ABTB3: variants seen among roughly 807,000 people sequenced by gnomAD.
ABTB3 encodes ankyrin repeat- and BTB/POZ domain-containing protein 3.
chr12:107,486,205 G>C, the ABTB3 span, among the ~76,000 whole-genome samples: 3 of 152,114 alleles, frequency 2.0e-5, no homozygotes, highest in Non-Finnish European at 4.4e-5. Flanking sequence ...ACTGTCTTGG[G>C]ACTAGATTAG....
chr12:107,397,593 CT>C, the ABTB3 span, among the ~76,000 whole-genome samples: 12 of 151,886 alleles, frequency 7.9e-5, no homozygotes, highest in African/African-American at 2.9e-4. Flanking sequence ...ATTTCTTGGG[CT>C]TTTTGTTGTA....
At chr12:107,411,085 A>C in the ABTB3 span, among the ~76,000 whole-genome samples, 2 of 152,132 alleles carry the variant, frequency 1.3e-5, no homozygotes, top group Non-Finnish European at 2.9e-5. Context: ...GGATCACTTG[A>C]GGTCAGGATT....
At chr12:107,646,297 T>A in the ABTB3 span, among the ~76,000 whole-genome samples, 1 of 152,182 alleles carries the variant, frequency 6.6e-6, no homozygotes, top group Non-Finnish European at 1.5e-5. Flanking sequence ...CAGCCCAATT[T>A]AAATTCCATT....
At chr12:107,409,801 C>T in the ABTB3 span, among the ~76,000 whole-genome samples, 7 of 152,144 alleles carry the variant, frequency 4.6e-5, no homozygotes, top group Non-Finnish European at 8.8e-5. Flanking sequence ...CACCATGGCA[C>T]TTGTTTACCT....
the ABTB3 span, among the ~76,000 whole-genome samples, chr12:107,607,692 T>TC: frequency 6.6e-6 from 1 of 152,082 alleles, no homozygotes; most frequent in Non-Finnish European, 1.5e-5. Context: ...TCCCAGCAGC[T>TC]CCCCCTGGTG....
At chr12:107,618,487 T>G in the ABTB3 span, 1 of 928,234 alleles carries the variant, frequency 1.1e-6, no homozygotes, top group Non-Finnish European at 1.6e-6. Context: ...AACACGCACA[T>G]GCACACACAC....
At chr12:107,319,231 C>A in the ABTB3 span, 8 of 1,571,752 alleles carry the variant, frequency 5.1e-6, no homozygotes, top group Non-Finnish European at 6.9e-6. Flanking sequence ...TAGACGAGGT[C>A]CCCTGGACTC....
At chr12:107,652,638 A>C in the ABTB3 span, among the ~76,000 whole-genome samples, 1 of 152,200 alleles carries the variant, frequency 6.6e-6, no homozygotes, top group Non-Finnish European at 1.5e-5. Context: ...TGACCTCAGC[A>C]GTAGCCCCTC....
the ABTB3 span, among the ~76,000 whole-genome samples, chr12:107,398,803 G>C: frequency 6.6e-6 from 1 of 152,196 alleles, no homozygotes; most frequent in Non-Finnish European, 1.5e-5. Flanking sequence ...GTAAATTGCT[G>C]TGTGCCATTT....
At chr12:107,641,276 T>C in the ABTB3 span, among the ~76,000 whole-genome samples, 1 of 152,204 alleles carries the variant, frequency 6.6e-6, no homozygotes, top group Non-Finnish European at 1.5e-5. Flanking sequence ...CATGACAGCA[T>C]AGACAAACCA....
the ABTB3 span, among the ~76,000 whole-genome samples, chr12:107,434,794 G>C: frequency 6.6e-6 from 1 of 151,996 alleles, no homozygotes; most frequent in African/African-American, 2.4e-5. Flanking sequence ...AGCTCAGGAA[G>C]TGGAGGTTGC....
the ABTB3 span, among the ~76,000 whole-genome samples, chr12:107,625,642 T>C: frequency 3.3e-5 from 5 of 152,176 alleles, no homozygotes; most frequent in South Asian, 8.3e-4. Context: ...TCATGACTAC[T>C]GGGCAGTAGT....
chr12:107,407,532 A>C, the ABTB3 span, among the ~76,000 whole-genome samples: 1 of 152,204 alleles, frequency 6.6e-6, no homozygotes, highest in Non-Finnish European at 1.5e-5. Context: ...GCAGAAGTGC[A>C]AGACGGTGAA....
At chr12:107,409,942 A>C in the ABTB3 span, among the ~76,000 whole-genome samples, 87 of 152,342 alleles carry the variant, frequency 5.7e-4, no homozygotes, top group South Asian at 4.1e-3. Flanking sequence ...AATTATTAAG[A>C]TTCCCAAAAT....
At chr12:107,470,108 G>A in the ABTB3 span, among the ~76,000 whole-genome samples, 3 of 149,828 alleles carry the variant, frequency 2.0e-5, no homozygotes, top group African/African-American at 7.4e-5. Flanking sequence ...GCATAATCTC[G>A]GCTCACTGCA....
At chr12:107,617,715 C>T in the ABTB3 span, 10 of 448,930 alleles carry the variant, frequency 2.2e-5, no homozygotes, top group Admixed American at 2.7e-4. Context: ...CAGGGCACGT[C>T]ATGTCAGCTG....
At chr12:107,369,275 T>C in the ABTB3 span, among the ~76,000 whole-genome samples, 1 of 152,194 alleles carries the variant, frequency 6.6e-6, no homozygotes. Context: ...TTTCATATAT[T>C]GTGTTTGAGA....
At chr12:107,372,246 T>G in the ABTB3 span, among the ~76,000 whole-genome samples, 6 of 152,184 alleles carry the variant, frequency 3.9e-5, no homozygotes, top group African/African-American at 1.2e-4. Flanking sequence ...GAAATTGTAC[T>G]CAGGACCAGC....
chr12:107,404,773 C>T, the ABTB3 span, among the ~76,000 whole-genome samples: 42 of 152,278 alleles, frequency 2.8e-4, 2 homozygotes, highest in African/African-American at 9.4e-4. Flanking sequence ...TCTTCCCTGG[C>T]TGAGGCGGCC....
Sources: allele counts gnomAD v4.1 joint callset (sites outside exome capture counted in the v4.1 genomes callset), GRCh38; gene constraint gnomAD v4.1.1; transcripts MANE v1.5; gene names NCBI Gene and HGNC (gene_info 2026-07-23, HGNC 2026-07-21).